MRPL42: variants seen among roughly 807,000 people sequenced by gnomAD.
MRPL42 encodes the protein large ribosomal subunit protein mL42.
A neutral mutation model predicts 17.9 loss-of-function variants in MRPL42; 17 were observed. That is an observed-to-expected ratio of 0.95 (90% CI 0.65 to 1.42). The LOEUF is 1.42. Among genes scored for constraint, MRPL42 ranks in the 40% most tolerant of loss-of-function variants. The pLI, the probability that MRPL42 is intolerant of heterozygous loss-of-function variation, is 0.00. For synonymous variants in MRPL42, 59 were observed against 54.4 expected (o/e 1.08, Z -0.37); for missense variants, 177 against 175.2 (o/e 1.01, Z -0.06).
At position 93,484,961 on chromosome 12, in the gene MRPL42, A is replaced by C. The variant is rs539515376; in HGVS notation, c.220-2536A>C. Among the ~76,000 whole-genome samples the C allele has an allele frequency of 3.1e-3, 82 of 26,724 alleles. 2 individuals are homozygous for C. Among genetic ancestry groups the C allele is most frequent in the South Asian group, 5.0e-3 (4 of 800 alleles). 17.5% of individuals were successfully genotyped at this position (26,724 alleles called of 152,430 possible). ...GTGCCACCTCCATTGCTTTTTAAAA[A>C]ACACACACACACACACACATATATA... is the stretch of plus-strand genomic sequence containing the variant. On this transcript the variant is annotated intron_variant, in intron 4 of 5. Coordinates refer to ENST00000549982, the MANE Select transcript of MRPL42 (RefSeq NM_014050.4).
At chr12:93,478,857 G>A (rs970786972) in intron 3 of MRPL42, among the ~76,000 whole-genome samples, 2 of 151,868 alleles carry the variant, frequency 1.3e-5, no homozygotes, top group African/African-American at 4.8e-5. Context: ...ATGGGTACCA[G>A]GTTTGCCAAT....
chr12:93,506,784 T>A lies in MRPL42; in HGVS notation c.*5563T>A, dbSNP rs1328413041. 4 of 152,218 alleles carry A rather than the reference T, an allele frequency of 2.6e-5. No individual in the cohort carries two copies. The highest frequency in any genetic ancestry group is 6.5e-5 in the Admixed American group (1 of 15,278). 9.4% of individuals were successfully genotyped at this position (152,218 alleles called of 1,614,324 possible). On this transcript the variant is annotated 3_prime_UTR_variant, in exon 6 of 6. Coordinates refer to ENST00000549982, the MANE Select transcript of MRPL42 (RefSeq NM_014050.4). The stretch of plus-strand genomic sequence containing the variant: ...TACATTGGATTACTATTATGCCACT[T>A]ACTTGAATAATTGTCTTGATGAGTA...
rs1953667109 is a variant in MRPL42 at position 93,506,201 on chromosome 12, T to C, written c.*4980T>C. 6.6e-6 allele frequency: 1 copy of C among 150,962 alleles called. No individual in the cohort carries two copies. Among genetic ancestry groups the C allele is most frequent in the South Asian group, 2.1e-4 (1 of 4,784 alleles). 9.4% of individuals were successfully genotyped at this position (150,962 alleles called of 1,614,324 possible). On this transcript the variant is annotated 3_prime_UTR_variant, in exon 6 of 6. Transcript: ENST00000549982. The stretch of plus-strand genomic sequence containing the variant: ...CCTTGGCCCCCCAAAATACTGGGAT[T>C]ACAAGGGTGAGCCACTGTGCCCAGC...
In MRPL42 at chr12:93,467,794, G is replaced by A. The variant is rs1459062072; in HGVS notation, c.-95+240G>A. Among the ~76,000 whole-genome samples, 3 of 152,200 alleles carry A rather than the reference G, an allele frequency of 2.0e-5. 1 individual carries two copies. Among genetic ancestry groups the A allele is most frequent in the African/African-American group, 4.8e-5 (2 of 41,466 alleles). ...AGGTGATGCAGCTTGTGGCTCTAGG[G>A]ACTCCTTTAGGTCGAAGAGTTCTGG... On this transcript the variant is annotated intron_variant, in intron 1 of 5. Transcript: ENST00000549982.
At position 93,469,264 on chromosome 12, in the gene MRPL42, T is replaced by C; in HGVS notation, c.-22T>C. On this transcript the variant is annotated 5_prime_UTR_variant, in exon 2 of 6. Coordinates refer to ENST00000549982, the MANE Select transcript of MRPL42 (RefSeq NM_014050.4). ...TTCAGAACATCTTTTTTCATACCAC[T>C]TGATAAGCATCTTGAAACACCATGG... 6.3e-7 allele frequency: 1 copy of C among 1,590,858 alleles called. No individual in the cohort carries two copies.
At chr12:93,486,481 AT>A (rs779720545) in intron 4 of MRPL42, among the ~76,000 whole-genome samples, 2 of 152,120 alleles carry the variant, frequency 1.3e-5, no homozygotes, top group African/African-American at 4.8e-5. Flanking sequence ...AGTAGCTGGG[AT>A]TACAGGTGTG....
At chr12:93,472,719 C>T (rs573103201) in intron 2 of MRPL42, among the ~76,000 whole-genome samples, 43 of 152,320 alleles carry the variant, frequency 2.8e-4, no homozygotes, top group Admixed American at 1.8e-3. Context: ...AAAAAGCCTT[C>T]CTTATATTCT....
intron 2 of MRPL42, among the ~76,000 whole-genome samples, chr12:93,474,437 C>T (rs971782050): frequency 6.6e-6 from 1 of 151,274 alleles, no homozygotes; most frequent in African/African-American, 2.4e-5. Flanking sequence ...CCACACCCCA[C>T]CAGTTTTAAT....
At chr12:93,471,739 A>G (rs1251050441) in intron 2 of MRPL42, among the ~76,000 whole-genome samples, 11 of 152,246 alleles carry the variant, frequency 7.2e-5, no homozygotes, top group Non-Finnish European at 1.5e-4. Context: ...CAGTAAATAG[A>G]ACAGGACATT....
At chr12:93,495,110 C>T (rs943896705) in intron 5 of MRPL42, among the ~76,000 whole-genome samples, 4 of 152,154 alleles carry the variant, frequency 2.6e-5, no homozygotes, top group Non-Finnish European at 5.9e-5. Context: ...TAACAGGAAC[C>T]TCTCTTGCTT....
rs141853609 is a variant in MRPL42 at position 93,479,309 on chromosome 12, A to G, written c.135-79A>G. The G allele has an allele frequency of 2.3e-3, 1,846 of 820,010 alleles. 34 individuals are homozygous for G. The African/African-American group carries it at 0.046, about 20-fold the overall frequency. 50.8% of individuals were successfully genotyped at this position (820,010 alleles called of 1,614,324 possible). A position where few individuals can be genotyped will look rare whatever the true frequency, so the allele number is the denominator to read the frequency against. ...AGCCTGGGTGACATAGTGAGAGTCCATCTCAAAAAAAAAAAAAAAGGTAAT... is the reference window on the plus strand; with the variant it reads ...AGCCTGGGTGACATAGTGAGAGTCCGTCTCAAAAAAAAAAAAAAAGGTAAT... On this transcript the variant is annotated intron_variant, in intron 3 of 5. Transcript: ENST00000549982.
chr12:93,485,147 G>A lies in MRPL42; in HGVS notation c.220-2350G>A, dbSNP rs561960379. Among the ~76,000 whole-genome samples the A allele has an allele frequency of 1.5e-4, 21 of 143,938 alleles. No individual in the cohort carries two copies. The South Asian group carries it at 4.2e-3, about 29-fold the overall frequency. 94.4% of individuals were successfully genotyped at this position (143,938 alleles called of 152,430 possible). A position where few individuals can be genotyped will look rare whatever the true frequency, so the allele number is the denominator to read the frequency against. On this transcript the variant is annotated intron_variant, in intron 4 of 5. Coordinates refer to ENST00000549982, the MANE Select transcript of MRPL42 (RefSeq NM_014050.4). ...GGATTACAGGTGTGAGCCACTGCAC[G>A]TGGCCCACATTGCCTTTTTTTTTTT...
At chr12:93,483,792 A>C (rs1880577751) in intron 4 of MRPL42, among the ~76,000 whole-genome samples, 1 of 152,168 alleles carries the variant, frequency 6.6e-6, no homozygotes, top group Admixed American at 6.6e-5. Context: ...AACTTAATAA[A>C]CTTAAAAAAA....
chr12:93,485,405 G>A (rs1188928375), intron 4 of MRPL42, among the ~76,000 whole-genome samples: 2 of 151,728 alleles, frequency 1.3e-5, no homozygotes, highest in African/African-American at 4.8e-5. Context: ...GTCTCCCAAA[G>A]TGCTAGGATT....
At chr12:93,499,861 C>T (rs1325297082) in intron 5 of MRPL42, among the ~76,000 whole-genome samples, 2 of 152,118 alleles carry the variant, frequency 1.3e-5, no homozygotes, top group East Asian at 3.8e-4. Context: ...AACTAAAGAT[C>T]ACAGGGTACA....
At chr12:93,479,914 T>C (rs538242512) in intron 4 of MRPL42, among the ~76,000 whole-genome samples, 1 of 151,884 alleles carries the variant, frequency 6.6e-6, no homozygotes, top group Admixed American at 6.6e-5. Flanking sequence ...TCTTTATTTT[T>C]ATGTTTTAAT....
At chr12:93,469,486 C>A in intron 2 of MRPL42, 131 bp downstream of exon 2, 1 of 650,828 alleles carries the variant, frequency 1.5e-6, no homozygotes, top group Non-Finnish European at 2.6e-6. Context: ...GGGAGAAAAC[C>A]TAAATGTCAG....
At position 93,511,624 on chromosome 12, in the gene MRPL42, A is replaced by G. The variant is rs1487526955; in HGVS notation, c.*10403A>G. ...TTTCTTGCAATTGGTTTGATGTACC[A>G]TTAATATATAGATATTACTAATATG... On this transcript the variant is annotated 3_prime_UTR_variant, in exon 6 of 6. Coordinates refer to ENST00000549982, the MANE Select transcript of MRPL42 (RefSeq NM_014050.4). The G allele has an allele frequency of 6.6e-6, 1 of 152,246 alleles. No individual in the cohort carries two copies. Among genetic ancestry groups the G allele is most frequent in the Non-Finnish European group, 1.5e-5 (1 of 68,034 alleles). 9.4% of individuals were successfully genotyped at this position (152,246 alleles called of 1,614,324 possible).
At chr12:93,485,001 T>C (rs796592055) in intron 4 of MRPL42, among the ~76,000 whole-genome samples, 1,965 of 24,190 alleles carry the variant, frequency 0.081, 146 homozygotes, top group African/African-American at 0.15. Context: ...TATATATATA[T>C]ATATATATAT....
Sources: allele counts gnomAD v4.1 joint callset (sites outside exome capture counted in the v4.1 genomes callset), GRCh38; gene constraint gnomAD v4.1.1; transcripts MANE v1.5; gene names NCBI Gene and HGNC (gene_info 2026-07-23, HGNC 2026-07-21).